SHBG: variants seen among roughly 807,000 people sequenced by gnomAD.
SHBG encodes the protein sex hormone binding globulin, also known as sex hormone-binding globulin.
Under a neutral mutation model 41.9 loss-of-function variants are expected in SHBG, and 37 were observed. The ratio of observed to expected loss-of-function variants is 0.88; its 90% CI spans 0.68 to 1.16. The LOEUF (loss-of-function observed/expected upper bound fraction) is 1.16, where lower values mean the gene tolerates loss of function less well. SHBG is among the 50% of genes most tolerant of loss of function. The probability of loss-of-function intolerance (pLI) is 0.00; values close to 1 mark genes in which losing one functional copy is unlikely to be tolerated. For missense variants in SHBG, 466 were observed against 499.9 expected, an observed-to-expected ratio of 0.93 and a Z score of 0.65; for synonymous variants, 217 against 205.8, an observed-to-expected ratio of 1.05 and a Z score of -0.47.
At chr17:7,633,078 GAT>G in intron 7 of SHBG, 119 bp downstream of exon 7, 1 of 1,410,158 alleles carries the variant, frequency 7.1e-7, no homozygotes, top group Non-Finnish European at 1.0e-6. Flanking sequence ...ACAAGAAGAA[GAT>G]ATGGGGGCAG....
chr17:7,631,839 C>T (rs956460874), intron 5 of SHBG, 40 bp from the exon 6 acceptor site: 1 of 1,613,796 alleles, frequency 6.2e-7, no homozygotes, highest in Non-Finnish European at 8.5e-7. Context: ...TCCTTGAGAC[C>T]CCAGCTTTGA....
At chr17:7,619,760 G>C (rs1476566404) in intron 1 of SHBG, among the ~76,000 whole-genome samples, 1 of 151,962 alleles carries the variant, frequency 6.6e-6, no homozygotes, top group African/African-American at 2.4e-5. Flanking sequence ...ATGGGAAGTG[G>C]AGGTGGGATG....
At chr17:7,615,833 C>CAAA (rs544422942) in intron 1 of SHBG, among the ~76,000 whole-genome samples, 2 of 73,018 alleles carry the variant, frequency 2.7e-5, no homozygotes, top group Admixed American at 3.2e-4. Flanking sequence ...GACTCAGTCT[C>CAAA]AAAAAAAAAA....
intron 1 of SHBG, chr17:7,614,584 A>G (rs1049357905): frequency 8.2e-6 from 10 of 1,220,546 alleles, no homozygotes; most frequent in East Asian, 3.1e-5. Context: ...CAGCAGTCTG[A>G]GTGCGGGCCG....
In SHBG at chr17:7,618,168, G is replaced by A. The variant is rs774900396; in HGVS notation, c.-62+4057G>A. 4.0e-5 allele frequency among the ~76,000 whole-genome samples: 6 copies of A among 149,924 alleles called. No individual in the cohort carries two copies. The East Asian group carries it at 8.0e-4, about 20-fold the overall frequency. ...TGGGAGGCTGAAGTTGCAGTGAGCC[G>A]AGATCACACCACTGCACTACATACA... On this transcript the variant is annotated intron_variant, in intron 1 of 5. Transcript: ENST00000570547.
rs146779355 is a variant in SHBG at position 7,631,704 on chromosome 17, G to A, written c.671G>A (p.Gly224Glu). ...AGCTGTGATGTAGAATCAAATCCCG[G>A]GATATTTCTCCCTCCAGGGACTCAG... ...LRSCDVESNP[G>E]IFLPPGTQAE... is the part of the protein sequence containing the mutation. Residue 224 changes from glycine to glutamate, a missense_variant, in exon 5 of 8, where the codon GGG (glycine) becomes GAG (glutamate). Transcript: ENST00000380450. 17 of 1,613,940 alleles carry A rather than the reference G, an allele frequency of 1.1e-5. No homozygotes were observed. In the African/African-American group the frequency reaches 1.7e-4, roughly 16 times the overall value.
upstream of SHBG, chr17:7,627,664 C>G: frequency 6.2e-7 from 1 of 1,613,882 alleles, no homozygotes; most frequent in South Asian, 1.1e-5. The surrounding 1 kb of genome is among the most constrained non-coding windows in gnomAD (Gnocchi z 4.8). Flanking sequence ...GGACCAAAGT[C>G]CCAGGGCCTC....
At chr17:7,622,003 ATTTTTTT>A (rs756865271) in intron 1 of SHBG, among the ~76,000 whole-genome samples, 352 of 140,148 alleles carry the variant, frequency 2.5e-3, no homozygotes, top group Non-Finnish European at 4.5e-3. Flanking sequence ...TGCCCGGCTA[ATTTTTTT>A]TTTTTTTTGT....
In SHBG at chr17:7,632,887, C is replaced by T. The variant is rs760110648; in HGVS notation, c.988C>T (p.Pro330Ser). The part of the protein sequence containing the change: ...GSKMKALALP[P>S]LGLAPLLNLW... Reference sequence around the variant, plus strand: ...GAAGATGAAGGCCCTTGCCCTGCCTCCCTTAGGCCTGGCTCCCCTCCTTAA... The same window carrying T: ...GAAGATGAAGGCCCTTGCCCTGCCTTCCTTAGGCCTGGCTCCCCTCCTTAA... Residue 330 changes from proline (P) to serine (S), a missense_variant, in exon 7 of 8, where the codon CCC (proline) becomes TCC (serine). Physicochemically the swap from Pro to Ser is moderately conservative, Grantham distance 74. Coordinates refer to ENST00000380450, the MANE Select transcript of SHBG (RefSeq NM_001040.5). The T allele has an allele frequency of 5.6e-6, 9 of 1,614,184 alleles. No individual in the cohort carries two copies. In the South Asian group the frequency reaches 8.8e-5, roughly 16 times the overall value.
chr17:7,614,187 G>A (rs1004880110), intron 1 of SHBG: 27 of 664,530 alleles, frequency 4.1e-5, no homozygotes, highest in Middle Eastern at 7.7e-4. Context: ...AGCGGGGAGC[G>A]CCAAGCCAGG....
intron 6 of SHBG, among the ~76,000 whole-genome samples, chr17:7,632,290 A>AG (rs2072444059): frequency 1.3e-5 from 2 of 151,906 alleles, no homozygotes. Context: ...AAAAAAAAAA[A>AG]AAAATTAGCC....
Position 7,632,784 on chromosome 17 carries a change from G to C in SHBG, c.885G>C (p.Gly295=). ...KVVLSSGSGP[G]LDLPLVLGLP... ...TGTTGTCTTCTGGGTCGGGGCCAGG[G>C]CTGGATCTGCCCCTGGTCTTGGGAC... Residue 295 remains glycine (G), a synonymous_variant, in exon 7 of 8, where the codon GGG becomes GGC. Coordinates refer to ENST00000380450, the MANE Select transcript of SHBG (RefSeq NM_001040.5). The C allele has an allele frequency of 1.9e-6, 3 of 1,614,018 alleles. No homozygotes were observed. The highest frequency in any genetic ancestry group is 2.5e-6 in the Non-Finnish European group (3 of 1,180,008).
Position 7,633,267 on chromosome 17 carries a change from T to C in SHBG, c.1124T>C (p.Val375Ala). The C allele has an allele frequency of 6.2e-7, 1 of 1,614,178 alleles. No individual in the cohort carries two copies. The highest frequency in any genetic ancestry group is 8.5e-7 in the Non-Finnish European group (1 of 1,180,028). ...GLWAQGQRLD[V>A]DQALNRSHEI... Reference sequence around the variant, plus strand: ...TGGGCACAAGGTCAGAGGCTGGATGTGGACCAGGCCCTGAACAGAAGCCAT... The same window carrying C: ...TGGGCACAAGGTCAGAGGCTGGATGCGGACCAGGCCCTGAACAGAAGCCAT... Residue 375 changes from valine (V) to alanine (A), a missense_variant, in exon 8 of 8, where the codon GTG becomes GCG. By Grantham distance (64) the Val-to-Ala change is moderately conservative. Transcript: ENST00000380450.
At chr17:7,618,890 C>T (rs940595702) in intron 1 of SHBG, among the ~76,000 whole-genome samples, 3 of 151,900 alleles carry the variant, frequency 2.0e-5, no homozygotes, top group South Asian at 2.1e-4. Flanking sequence ...TTCAAAATGA[C>T]GTAGATTGAA....
At chr17:7,614,319 C>A in intron 1 of SHBG, 2 of 711,568 alleles carry the variant, frequency 2.8e-6, no homozygotes, top group Non-Finnish European at 4.7e-6. Flanking sequence ...GGGAAGGCTG[C>A]GGGTTGGAGC....
rs759268856 is a variant in SHBG, at chr17:7,630,157, T to C, written c.-16T>C. ...CCCAAGAGTTGTCTGAGCCGCCGAGTGGACAGTGGCTGATTATGGAGAGCA... is the reference window on the plus strand; with the variant it reads ...CCCAAGAGTTGTCTGAGCCGCCGAGCGGACAGTGGCTGATTATGGAGAGCA... On this transcript the variant is annotated 5_prime_UTR_variant, in exon 1 of 8. Coordinates refer to ENST00000380450, the MANE Select transcript of SHBG (RefSeq NM_001040.5). The surrounding 1 kb of genome is among the most constrained non-coding windows in gnomAD (Gnocchi z 4.6). 8.1e-6 allele frequency: 13 copies of C among 1,604,484 alleles called. No individual in the cohort carries two copies. The African/African-American group carries it at 1.6e-4, about 20-fold the overall frequency.
At chr17:7,614,311 G>A (rs988432536) in intron 1 of SHBG, 22 of 693,166 alleles carry the variant, frequency 3.2e-5, no homozygotes, top group Non-Finnish European at 4.7e-5. Flanking sequence ...GTCTCCCAGG[G>A]AAGGCTGCGG....
intron 1 of SHBG, among the ~76,000 whole-genome samples, chr17:7,621,811 T>G (rs2072103271): frequency 1.3e-5 from 2 of 151,792 alleles, no homozygotes; most frequent in South Asian, 4.2e-4. Flanking sequence ...CAAGTAAGGA[T>G]AGAGCTATGG....
chr17:7,630,671 T>C lies in SHBG; in HGVS notation c.204-9T>C. The C allele has an allele frequency of 6.2e-7, 1 of 1,613,032 alleles. No homozygotes were observed. Among genetic ancestry groups the C allele is most frequent in the Non-Finnish European group, 8.5e-7 (1 of 1,179,220 alleles). On this transcript the variant is annotated splice_polypyrimidine_tract_variant and intron_variant, in intron 2 of 7. Coordinates refer to ENST00000380450, the MANE Select transcript of SHBG (RefSeq NM_001040.5). The surrounding 1 kb of genome is among the most constrained non-coding windows in gnomAD (Gnocchi z 4.6). ...GACATACACAATCTTTCCTTCTGTG[T>C]CCTTCCAGAACCTCCTCCTCCTTTG...
Sources: gnomAD v4.1 joint callset for allele counts (sites outside exome capture counted in the v4.1 genomes callset) on GRCh38, gnomAD v4.1.1 for gene constraint, Gnocchi (gnomAD v3.1) non-coding constraint, MANE v1.5 for transcripts, NCBI Gene and HGNC (gene_info 2026-07-23, HGNC 2026-07-21) for gene names.